ZDHHC15: variants seen among roughly 807,000 people sequenced by gnomAD.
ZDHHC15 encodes zDHHC palmitoyltransferase 15, also known as palmitoyltransferase ZDHHC15.
ZDHHC15 carries 19 observed loss-of-function variants against 31.7 expected under a neutral mutation model. The ratio of observed to expected loss-of-function variants is 0.60; its 90% CI spans 0.42 to 0.88. The LOEUF is 0.88. Ranked by LOEUF, ZDHHC15 falls within the 40% of genes least tolerant of loss-of-function variation. The pLI is 0.00. For missense variants in ZDHHC15, 209 were observed against 251.2 expected, an observed-to-expected ratio of 0.83 and a Z score of 1.14; for synonymous variants, 103 against 90.0, an observed-to-expected ratio of 1.14 and a Z score of -0.82.
intron 4 of ZDHHC15, among the ~76,000 whole-genome samples, chrX:75,440,282 T>A (rs6647736): frequency 0.036 from 447 of 12,277 alleles, 5 homozygotes; most frequent in Admixed American, 0.04. Flanking sequence ...TTTCTTTTCC[T>A]TTTTTTTTTG....
intron 2 of ZDHHC15, among the ~76,000 whole-genome samples, chrX:75,491,204 T>C (rs1012470234): frequency 5.4e-5 from 6 of 110,413 alleles, no homozygotes; most frequent in African/African-American, 6.6e-5. Context: ...CTATTCACAA[T>C]AGCAAAGACT....
At chrX:75,430,845 A>G (rs191965252) in intron 5 of ZDHHC15, among the ~76,000 whole-genome samples, 9 of 111,608 alleles carry the variant, frequency 8.1e-5, no homozygotes, top group Admixed American at 6.7e-4. Flanking sequence ...ATATTACCCC[A>G]GTCTAACAAT....
intron 9 of ZDHHC15, among the ~76,000 whole-genome samples, chrX:75,417,796 A>C (rs937046361): frequency 9.0e-6 from 1 of 111,719 alleles, no homozygotes; most frequent in Non-Finnish European, 1.9e-5. Flanking sequence ...ATTTCTGGCC[A>C]CTAACAGATG....
chrX:75,412,127 A>G (rs1191335047), intron 10 of ZDHHC15, among the ~76,000 whole-genome samples: 1 of 111,820 alleles, frequency 8.9e-6, no homozygotes, highest in Non-Finnish European at 1.9e-5. Flanking sequence ...AAAGATAACT[A>G]ACGTTGGTGA....
intron 8 of ZDHHC15, among the ~76,000 whole-genome samples, chrX:75,422,473 G>C: frequency 8.9e-6 from 1 of 111,992 alleles, no homozygotes; most frequent in African/African-American, 3.2e-5. Context: ...TCATGCTGAA[G>C]CCTGCAGTGT....
chrX:75,412,826 A>G (rs982836935), intron 10 of ZDHHC15, among the ~76,000 whole-genome samples: 1 of 112,080 alleles, frequency 8.9e-6, no homozygotes, highest in Non-Finnish European at 1.9e-5. Context: ...AGACACAGAA[A>G]GAAAAATACT....
At chrX:75,490,946 G>C (rs886999349) in intron 2 of ZDHHC15, among the ~76,000 whole-genome samples, 8 of 111,790 alleles carry the variant, frequency 7.2e-5, no homozygotes, top group African/African-American at 2.6e-4. Flanking sequence ...ACACCAGTTA[G>C]AATGGCAATC....
intron 4 of ZDHHC15, among the ~76,000 whole-genome samples, chrX:75,432,443 A>C (rs2083792093): frequency 8.9e-6 from 1 of 112,217 alleles, no homozygotes; most frequent in African/African-American, 3.2e-5. Context: ...GTTTACTTCC[A>C]CTAATGGAAG....
chrX:75,491,997 A>G (rs982591898), intron 2 of ZDHHC15, among the ~76,000 whole-genome samples: 1 of 111,751 alleles, frequency 8.9e-6, no homozygotes, highest in African/African-American at 3.3e-5. Flanking sequence ...ACAGACTGGC[A>G]AAGTGGATAA....
intron 3 of ZDHHC15, among the ~76,000 whole-genome samples, chrX:75,456,165 A>G (rs1024407284): frequency 4.5e-5 from 5 of 111,494 alleles, no homozygotes; most frequent in Non-Finnish European, 9.4e-5. Flanking sequence ...ATGGAATACT[A>G]TGCAGCCATA....
At chrX:75,450,639 A>C in intron 4 of ZDHHC15, 163 bp downstream of exon 4, 1 of 1,045,331 alleles carries the variant, frequency 9.6e-7, no homozygotes, top group Non-Finnish European at 1.3e-6. Flanking sequence ...TCCAGCTTTG[A>C]TATGTGTTTA....
intron 3 of ZDHHC15, among the ~76,000 whole-genome samples, chrX:75,473,235 G>T (rs1269962120): frequency 1.2e-4 from 13 of 111,806 alleles, no homozygotes; most frequent in African/African-American, 4.2e-4. Context: ...TGTCAACTAG[G>T]TGACAATACT....
intron 10 of ZDHHC15, among the ~76,000 whole-genome samples, chrX:75,380,010 A>G (rs1318581333): frequency 4.8e-5 from 5 of 105,063 alleles, no homozygotes; most frequent in Non-Finnish European, 8.0e-5. Context: ...AAACTGGAAA[A>G]ATAAAAGTGG....
intron 2 of ZDHHC15, among the ~76,000 whole-genome samples, chrX:75,479,988 G>A (rs1054017023): frequency 9.0e-6 from 1 of 111,108 alleles, no homozygotes; most frequent in Non-Finnish European, 1.9e-5. Flanking sequence ...TCTCATATGC[G>A]ATATTTTGGT....
chrX:75,387,401 G>A (rs976867167), intron 10 of ZDHHC15, among the ~76,000 whole-genome samples: 7 of 111,326 alleles, frequency 6.3e-5, no homozygotes, highest in Non-Finnish European at 1.1e-4. Context: ...CAATATTATG[G>A]AAACTCAGTG....
chrX:75,488,395 C>G (rs1339970413), intron 2 of ZDHHC15, among the ~76,000 whole-genome samples: 1 of 111,715 alleles, frequency 9.0e-6, no homozygotes, highest in Non-Finnish European at 1.9e-5. Flanking sequence ...AATTGTCAGT[C>G]AAGAATTTTG....
intron 8 of ZDHHC15, among the ~76,000 whole-genome samples, chrX:75,423,645 C>A (rs757173700): frequency 2.0e-5 from 2 of 101,861 alleles, no homozygotes; most frequent in African/African-American, 3.6e-5. Flanking sequence ...TGAATAGTCA[C>A]CCAGCTAATT....
intron 10 of ZDHHC15, among the ~76,000 whole-genome samples, chrX:75,381,992 T>A (rs2083119881): frequency 1.8e-5 from 2 of 112,097 alleles, no homozygotes; most frequent in African/African-American, 6.5e-5. Flanking sequence ...CCCCCTTTAC[T>A]GATATACTCA....
At chrX:75,467,323 G>C (rs1435720836) in intron 3 of ZDHHC15, among the ~76,000 whole-genome samples, 2 of 112,045 alleles carry the variant, frequency 1.8e-5, no homozygotes, top group African/African-American at 6.5e-5. Flanking sequence ...GAAAGGCACA[G>C]GAAGAGGATT....
Sources: gnomAD v4.1 joint callset for allele counts (sites outside exome capture counted in the v4.1 genomes callset) on GRCh38, gnomAD v4.1.1 for gene constraint, MANE v1.5 for transcripts, NCBI Gene and HGNC (gene_info 2026-07-23, HGNC 2026-07-21) for gene names.